MARCHF1: variants seen among roughly 807,000 people sequenced by gnomAD.
MARCHF1 encodes membrane associated ring-CH-type finger 1.
Under a neutral mutation model 54.2 loss-of-function variants are expected in MARCHF1, and 40 were observed. The observed-to-expected ratio is 0.74, with a 90% CI of 0.57 to 0.96. MARCHF1 has a LOEUF of 0.96. Ranked by LOEUF, MARCHF1 falls within the 40% of genes least tolerant of loss-of-function variation. The pLI is 0.00. For synonymous variants in MARCHF1, 236 were observed against 236.3 expected (o/e 1.00, Z 0.01); for missense variants, 586 against 656.5 (o/e 0.89, Z 1.17).
chr4:163,840,634 G>T (rs1749310751), intron 4 of MARCHF1, among the ~76,000 whole-genome samples: 1 of 152,030 alleles, frequency 6.6e-6, no homozygotes, highest in Admixed American at 6.6e-5. Context: ...GTTCCCAGGG[G>T]CTGGAAGGTG....
intron 2 of MARCHF1, among the ~76,000 whole-genome samples, chr4:164,040,009 ATATATATACAAGTATAATT>A (rs1289497409): frequency 1.4e-4 from 20 of 147,082 alleles, no homozygotes; most frequent in African/African-American, 3.9e-4. Context: ...TGTATATATA[ATATATATACAAGTATAATT>A]TATATATACA....
chr4:163,800,288 T>C (rs971286303), intron 4 of MARCHF1, among the ~76,000 whole-genome samples: 1 of 151,922 alleles, frequency 6.6e-6, no homozygotes, highest in Admixed American at 6.6e-5. Flanking sequence ...AAAAAGGAAA[T>C]GTAATAGTTT....
At chr4:163,637,759 C>T (rs1387800779) in intron 5 of MARCHF1, among the ~76,000 whole-genome samples, 19 of 151,112 alleles carry the variant, frequency 1.3e-4, no homozygotes, top group Admixed American at 6.6e-5. Context: ...ACCCAAAGGA[C>T]TATAAATCAT....
chr4:163,844,035 C>T (rs1299955391), intron 4 of MARCHF1, among the ~76,000 whole-genome samples: 1 of 151,914 alleles, frequency 6.6e-6, no homozygotes, highest in Non-Finnish European at 1.5e-5. Context: ...TACATAGCTA[C>T]ACTTGTATCA....
At chr4:164,242,768 C>A (rs192987717) in intron 1 of MARCHF1, among the ~76,000 whole-genome samples, 1 of 152,128 alleles carries the variant, frequency 6.6e-6, no homozygotes, top group Non-Finnish European at 1.5e-5. Context: ...ATAACCAATA[C>A]AGACAAGTGC....
In MARCHF1 at chr4:164,274,708, G is replaced by T. The variant is rs1422580472; in HGVS notation, c.-323+109162C>A. On this transcript the variant is annotated intron_variant, in intron 1 of 9. Coordinates refer to ENST00000514618, the MANE Select transcript of MARCHF1 (RefSeq NM_001394959.1). ...TTTTTTTTTTTTTAGACGGAGTCTC[G>T]CTCTGTCTCCCAGGCTGGAGTGCAG... Among the ~76,000 whole-genome samples the T allele has an allele frequency of 1.9e-4, 19 of 100,980 alleles. 1 individual carries two copies. In the Admixed American group the frequency reaches 2.9e-3, roughly 16 times the overall value. 66.2% of individuals were successfully genotyped at this position (100,980 alleles called of 152,430 possible). A position where few individuals can be genotyped will look rare whatever the true frequency, so the allele number is the denominator to read the frequency against.
chr4:163,843,201 C>A (rs1156441145), intron 4 of MARCHF1, among the ~76,000 whole-genome samples: 3 of 152,058 alleles, frequency 2.0e-5, no homozygotes, highest in Admixed American at 2.0e-4. Context: ...TGATTTTATT[C>A]TTTTCTTGGC....
chr4:164,285,537 A>G (rs1035653723), intron 1 of MARCHF1, among the ~76,000 whole-genome samples: 34 of 151,894 alleles, frequency 2.2e-4, no homozygotes, highest in Non-Finnish European at 3.8e-4. Flanking sequence ...CCGCCTCCCG[A>G]GTTCACGCCA....
At position 163,875,198 on chromosome 4, in the gene MARCHF1, C is replaced by A. The variant is rs1430819437; in HGVS notation, c.-38-21029G>T. On this transcript the variant is annotated intron_variant, in intron 3 of 9. Coordinates refer to ENST00000514618, the MANE Select transcript of MARCHF1 (RefSeq NM_001394959.1). ...AGTTTGATGTCTGCATTTCTTTAAA[C>A]ACATCAGTAATGCTTTTTTGAAAAA... Among the ~76,000 whole-genome samples, 4 of 151,996 alleles carry A rather than the reference C, an allele frequency of 2.6e-5. No homozygotes were observed. The East Asian group carries it at 7.7e-4, about 29-fold the overall frequency.
rs70952617 is a variant in MARCHF1, at chr4:164,274,659, CTTTTTTTTTTTTTTTTTT to C, written c.-323+109193_-323+109210del. Among the ~76,000 whole-genome samples the C allele has an allele frequency of 3.4e-4, 15 of 44,644 alleles. No homozygotes were observed. In the Admixed American group the frequency reaches 3.4e-3, roughly 10 times the overall value. 29.3% of individuals were successfully genotyped at this position (44,644 alleles called of 152,430 possible). A position where few individuals can be genotyped will look rare whatever the true frequency, so the allele number is the denominator to read the frequency against. The stretch of plus-strand genomic sequence containing the variant: ...CGCTTGATGTGTGCTTCAGGGTACA[CTTTTTTTTTTTTTTTTTT>C]TTTTTTTTTTTTTTTTTTAGACGGA... On this transcript the variant is annotated intron_variant, in intron 1 of 9. Coordinates refer to ENST00000514618, the MANE Select transcript of MARCHF1 (RefSeq NM_001394959.1).
At chr4:163,895,928 T>C (rs1178706112) in intron 3 of MARCHF1, among the ~76,000 whole-genome samples, 3 of 152,074 alleles carry the variant, frequency 2.0e-5, no homozygotes, top group African/African-American at 7.2e-5. Flanking sequence ...TAAACACAAA[T>C]ACAACTGCAA....
At chr4:163,953,164 A>G (rs918819247) in intron 3 of MARCHF1, among the ~76,000 whole-genome samples, 1 of 152,084 alleles carries the variant, frequency 6.6e-6, no homozygotes, top group African/African-American at 2.4e-5. Context: ...CCAAACAAAT[A>G]TTGCATTATT....
chr4:164,040,620 T>C (rs1268194685), intron 2 of MARCHF1, among the ~76,000 whole-genome samples: 2 of 151,828 alleles, frequency 1.3e-5, no homozygotes, highest in Non-Finnish European at 1.5e-5. Context: ...TTGGAAGGCA[T>C]GCAGGATAAA....
chr4:163,633,525 G>T (rs1579135535), intron 5 of MARCHF1, among the ~76,000 whole-genome samples: 2 of 152,132 alleles, frequency 1.3e-5, no homozygotes, highest in Non-Finnish European at 2.9e-5. Context: ...ATGAAATGAA[G>T]CGAGAAGGGA....
At chr4:164,034,390 A>G (rs1426414532) in intron 2 of MARCHF1, among the ~76,000 whole-genome samples, 2 of 152,174 alleles carry the variant, frequency 1.3e-5, no homozygotes, top group Non-Finnish European at 2.9e-5. Context: ...ATATTAGTAC[A>G]ATCTGTATGG....
chr4:163,634,722 G>A (rs1283244030), intron 5 of MARCHF1, among the ~76,000 whole-genome samples: 4 of 150,594 alleles, frequency 2.7e-5, no homozygotes, highest in South Asian at 4.2e-4. Context: ...CCCAGGAATT[G>A]AGCTCAGCTC....
intron 8 of MARCHF1, among the ~76,000 whole-genome samples, chr4:163,552,273 G>A (rs1739131591): frequency 6.6e-6 from 1 of 152,218 alleles, no homozygotes; most frequent in African/African-American, 2.4e-5. Flanking sequence ...AGTGGAAACA[G>A]TGAGGAATGG....
At chr4:164,040,250 C>G (rs13119946) in intron 2 of MARCHF1, among the ~76,000 whole-genome samples, 1 of 142,160 alleles carries the variant, frequency 7.0e-6, no homozygotes, top group Non-Finnish European at 1.5e-5. Flanking sequence ...CTTATATATA[C>G]GTATATGTAA....
chr4:163,765,932 A>C (rs531111728), intron 4 of MARCHF1, among the ~76,000 whole-genome samples: 23 of 147,862 alleles, frequency 1.6e-4, no homozygotes, highest in Non-Finnish European at 1.9e-4. Context: ...TATATAATAC[A>C]TATAAATATA....
Sources: gnomAD v4.1 joint callset for allele counts (sites outside exome capture counted in the v4.1 genomes callset) on GRCh38, gnomAD v4.1.1 for gene constraint, MANE v1.5 for transcripts, NCBI Gene and HGNC (gene_info 2026-07-23, HGNC 2026-07-21) for gene names.